Variants in HTR2C observed in about 807,000 individuals in gnomAD.
HTR2C encodes 5-hydroxytryptamine receptor 2C, also known as 5-hydroxytryptamine (serotonin) receptor 2C, G protein-coupled.
In HTR2C, 5 loss-of-function variants were observed where a neutral mutation model predicts 21.0. The observed-to-expected ratio is 0.24, with a 90% CI of 0.12 to 0.50. HTR2C has a LOEUF of 0.50. Among genes scored for constraint, HTR2C ranks in the 20% least tolerant of loss-of-function variants. HTR2C has a pLI of 0.98. For synonymous variants in HTR2C, 150 were observed against 145.3 expected (o/e 1.03, Z -0.23); for missense variants, 271 against 371.2 (o/e 0.73, Z 2.22).
At chrX:114,622,883 T>G (rs1408836567) in intron 2 of HTR2C, among the ~76,000 whole-genome samples, 2 of 112,152 alleles carry the variant, frequency 1.8e-5, no homozygotes, top group African/African-American at 3.2e-5. Context: ...CAGAAACAAT[T>G]ACCTACAAGT....
At chrX:114,781,468 C>T (rs2070116572) in intron 4 of HTR2C, among the ~76,000 whole-genome samples, 1 of 110,103 alleles carries the variant, frequency 9.1e-6, no homozygotes, top group African/African-American at 3.3e-5. Flanking sequence ...TGCACTCTAG[C>T]CTGGATGGCA....
intron 4 of HTR2C, among the ~76,000 whole-genome samples, chrX:114,840,132 A>G (rs1326017593): frequency 1.8e-5 from 2 of 111,159 alleles, no homozygotes; most frequent in Non-Finnish European, 3.8e-5. Context: ...GGGAAAGACA[A>G]CTCATTCACA....
intron 4 of HTR2C, among the ~76,000 whole-genome samples, chrX:114,793,163 T>C (rs2070251866): frequency 9.0e-6 from 1 of 111,416 alleles, no homozygotes; most frequent in Admixed American, 9.6e-5. Flanking sequence ...TTGTTGCAGT[T>C]GCTTTTGGTG....
rs1414813477 is a variant in HTR2C at position 114,833,658 on chromosome X, G to T, written c.350-14345G>T. ...GATCCTTTCAAAAAACCAGCTCCTGGATTCATTAATTTTTTGAAGGGTTTT... is the reference window on the plus strand; with the variant it reads ...GATCCTTTCAAAAAACCAGCTCCTGTATTCATTAATTTTTTGAAGGGTTTT... On this transcript the variant is annotated intron_variant, in intron 4 of 5. Transcript: ENST00000276198. Among the ~76,000 whole-genome samples, 3 of 109,903 alleles carry T rather than the reference G, an allele frequency of 2.7e-5. No homozygotes were observed. In the Admixed American group the frequency reaches 2.9e-4, roughly 11 times the overall value.
intron 4 of HTR2C, among the ~76,000 whole-genome samples, chrX:114,781,680 T>C (rs1164479105): frequency 9.1e-6 from 1 of 109,476 alleles, no homozygotes; most frequent in African/African-American, 3.3e-5. Context: ...TTTAAATTTT[T>C]TGTAGAGATA....
At chrX:114,904,189 T>C (rs942254791) in intron 5 of HTR2C, among the ~76,000 whole-genome samples, 7 of 112,058 alleles carry the variant, frequency 6.2e-5, no homozygotes, top group African/African-American at 2.3e-4. Context: ...AGGACCTCTA[T>C]GTCTTCTTTT....
At chrX:114,813,886 A>G (rs935898904) in intron 4 of HTR2C, among the ~76,000 whole-genome samples, 1 of 111,659 alleles carries the variant, frequency 9.0e-6, no homozygotes, top group African/African-American at 3.3e-5. Flanking sequence ...GTAATGTCAT[A>G]AAGTTTACAG....
At chrX:114,651,909 A>G (rs1930591465) in intron 2 of HTR2C, among the ~76,000 whole-genome samples, 1 of 111,904 alleles carries the variant, frequency 8.9e-6, no homozygotes, top group Admixed American at 9.5e-5. Flanking sequence ...CTATAAAAAT[A>G]CATTTGGAAG....
chrX:114,620,514 T>C (rs1229263673), intron 2 of HTR2C, among the ~76,000 whole-genome samples: 1 of 111,662 alleles, frequency 9.0e-6, no homozygotes, highest in Non-Finnish European at 1.9e-5. Context: ...ATGAATATAT[T>C]GCCTGAATAT....
chrX:114,650,898 G>A (rs1930538101), intron 2 of HTR2C, among the ~76,000 whole-genome samples: 1 of 111,747 alleles, frequency 8.9e-6, no homozygotes, highest in Non-Finnish European at 1.9e-5. Context: ...GACACAGTAA[G>A]ATGATGAAAA....
At chrX:114,671,219 A>T (rs1256968995) in intron 2 of HTR2C, among the ~76,000 whole-genome samples, 1 of 112,139 alleles carries the variant, frequency 8.9e-6, no homozygotes, top group Non-Finnish European at 1.9e-5. Context: ...GAAGGAAAAC[A>T]TCCCAAAATG....
At chrX:114,883,623 T>C (rs2071198867) in intron 5 of HTR2C, among the ~76,000 whole-genome samples, 1 of 110,163 alleles carries the variant, frequency 9.1e-6, no homozygotes, top group Admixed American at 9.8e-5. Context: ...TTTATGTTTA[T>C]TCACCTAAAA....
At chrX:114,875,813 TAAAGAC>T (rs2147514210) in intron 5 of HTR2C, among the ~76,000 whole-genome samples, 1 of 108,629 alleles carries the variant, frequency 9.2e-6, no homozygotes, top group Admixed American at 1.0e-4. Context: ...TAGTTTGAAA[TAAAGAC>T]ATATGATGCC....
At chrX:114,592,263 C>A (rs1433609692) in intron 1 of HTR2C, among the ~76,000 whole-genome samples, 1 of 112,399 alleles carries the variant, frequency 8.9e-6, no homozygotes, top group Admixed American at 9.4e-5. Context: ...ATTACTTTTG[C>A]ACCAACCTAA....
intron 2 of HTR2C, among the ~76,000 whole-genome samples, chrX:114,673,509 A>G (rs1287638385): frequency 4.5e-5 from 5 of 111,550 alleles, no homozygotes; most frequent in Non-Finnish European, 7.5e-5. Flanking sequence ...CAATAAAATC[A>G]GAAAAGAAAA....
chrX:114,718,304 T>C lies in HTR2C; in HGVS notation c.-79-8554T>C, dbSNP rs1233560879. Among the ~76,000 whole-genome samples the C allele has an allele frequency of 2.7e-5, 3 of 112,439 alleles. No homozygotes were observed. The Admixed American group carries it at 2.8e-4, about 11-fold the overall frequency. On this transcript the variant is annotated intron_variant, in intron 2 of 5. Transcript: ENST00000276198. ...GATTATTGATGATGACTTTTAAGTA[T>C]TTCTGTGAGTGATACGGATTCTGAT... is the stretch of plus-strand genomic sequence containing the variant.
At chrX:114,766,693 G>T (rs1242153641) in intron 4 of HTR2C, among the ~76,000 whole-genome samples, 2 of 111,325 alleles carry the variant, frequency 1.8e-5, no homozygotes, top group African/African-American at 6.5e-5. Flanking sequence ...TGTAGTAAAA[G>T]GATCATTGGG....
intron 2 of HTR2C, among the ~76,000 whole-genome samples, chrX:114,707,609 T>G (rs1556418505): frequency 2.7e-5 from 3 of 111,051 alleles, no homozygotes. Flanking sequence ...CTTTTAAAGA[T>G]GAAGGTGACT....
chrX:114,775,157 A>G, intron 4 of HTR2C: 1 of 523,259 alleles, frequency 1.9e-6, no homozygotes, highest in Non-Finnish European at 3.5e-6. Flanking sequence ...GAATTCTTGG[A>G]TGACACTTTG....
Sources: allele counts gnomAD v4.1 joint callset (sites outside exome capture counted in the v4.1 genomes callset), GRCh38; gene constraint gnomAD v4.1.1; transcripts MANE v1.5; gene names NCBI Gene and HGNC (gene_info 2026-07-23, HGNC 2026-07-21).